APLF: variants seen among roughly 807,000 people sequenced by gnomAD.
APLF encodes aprataxin and PNKP like factor.
Under a neutral mutation model 55.6 loss-of-function variants are expected in APLF, and 61 were observed. The ratio of observed to expected loss-of-function variants is 1.10; its 90% CI spans 0.89 to 1.36. The LOEUF (loss-of-function observed/expected upper bound fraction) is 1.36, where lower values mean the gene tolerates loss of function less well. Among genes scored for constraint, APLF ranks in the 40% most tolerant of loss-of-function variants. The pLI is 0.00. For synonymous variants in APLF, 207 were observed against 214.8 expected (o/e 0.96, Z 0.32); for missense variants, 611 against 602.5 (o/e 1.01, Z -0.15).
intron 9 of APLF, among the ~76,000 whole-genome samples, chr2:68,573,499 C>T (rs1455993034): frequency 2.0e-5 from 3 of 151,836 alleles, no homozygotes; most frequent in African/African-American, 4.8e-5. Context: ...ATGGTGGAAC[C>T]CCATCTCTAC....
chr2:68,570,544 T>G (rs574198876), intron 9 of APLF, among the ~76,000 whole-genome samples: 16 of 151,302 alleles, frequency 1.1e-4, no homozygotes, highest in Admixed American at 2.6e-4. Flanking sequence ...ACATGTGGTG[T>G]TTGGTTTTTT....
chr2:68,508,795 G>A (rs574933547), intron 3 of APLF, among the ~76,000 whole-genome samples: 54 of 152,178 alleles, frequency 3.5e-4, no homozygotes, highest in African/African-American at 1.2e-3. Context: ...AAAGCTGGAG[G>A]CATCACTCTA....
chr2:68,535,375 A>C, intron 6 of APLF: 1 of 381,068 alleles, frequency 2.6e-6, no homozygotes. Flanking sequence ...TTGCGTTACT[A>C]ATTTTTTGGT....
chr2:68,537,696 G>C (rs1416206252), intron 6 of APLF, among the ~76,000 whole-genome samples, 176 bp from the exon 7 acceptor site: 1 of 152,112 alleles, frequency 6.6e-6, no homozygotes, highest in Non-Finnish European at 1.5e-5. Context: ...AACTAAAAAT[G>C]TTTTAAGTTA....
chr2:68,484,642 A>G (rs909967621), intron 1 of APLF, among the ~76,000 whole-genome samples: 5 of 151,560 alleles, frequency 3.3e-5, no homozygotes, highest in Non-Finnish European at 5.9e-5. Context: ...CAGTGAGCCT[A>G]GATTGTGCCA....
At position 68,493,386 on chromosome 2, in the gene APLF, G is replaced by A. The variant is rs545169921; in HGVS notation, c.168+3125G>A. ...AATCTACTCCAGGTAGATTAAATGT[G>A]AGAGTCAAACTATAAAACTCTTAGA... On this transcript the variant is annotated intron_variant, in intron 2 of 9. Transcript: ENST00000303795. Among the ~76,000 whole-genome samples the A allele has an allele frequency of 7.9e-5, 12 of 152,228 alleles. No homozygotes were observed. In the South Asian group the frequency reaches 2.5e-3, roughly 32 times the overall value.
chr2:68,508,309 A>G (rs1004307308), intron 3 of APLF, among the ~76,000 whole-genome samples: 1 of 151,876 alleles, frequency 6.6e-6, no homozygotes, highest in African/African-American at 2.4e-5. Context: ...GTAAACCCCT[A>G]CATTTAGGGT....
rs529474298 is a variant in APLF at position 68,564,067 on chromosome 2, G to A, written c.1287-3274G>A. Among the ~76,000 whole-genome samples, 77 of 151,976 alleles carry A rather than the reference G, an allele frequency of 5.1e-4. 1 individual carries two copies. In the Middle Eastern group the frequency reaches 0.024, roughly 47 times the overall value. On this transcript the variant is annotated intron_variant, in intron 8 of 9. Coordinates refer to ENST00000303795, the MANE Select transcript of APLF (RefSeq NM_173545.3). Reference sequence around the variant, plus strand: ...TAAAGTAAAGATGAAAAATATCTTTGGTATTAATGTTCCCCATTTTTATCT... The same window carrying A: ...TAAAGTAAAGATGAAAAATATCTTTAGTATTAATGTTCCCCATTTTTATCT...
chr2:68,571,358 A>G (rs1287840740), intron 9 of APLF, among the ~76,000 whole-genome samples: 3 of 152,128 alleles, frequency 2.0e-5, no homozygotes, highest in African/African-American at 7.2e-5. Context: ...TTTAGACATG[A>G]AGTCCTTGCT....
At chr2:68,476,496 A>AAAG (rs1243551569) in intron 1 of APLF, among the ~76,000 whole-genome samples, 1 of 149,952 alleles carries the variant, frequency 6.7e-6, no homozygotes, top group Non-Finnish European at 1.5e-5. Flanking sequence ...AAAAAAAAAA[A>AAAG]GTAGGAATTT....
chr2:68,530,496 G>T (rs532504242), intron 6 of APLF, among the ~76,000 whole-genome samples: 14 of 152,224 alleles, frequency 9.2e-5, no homozygotes, highest in Admixed American at 2.6e-4. Context: ...TAAAGATTAT[G>T]TTCTAGATCA....
chr2:68,556,619 T>G (rs1004607008), intron 8 of APLF, among the ~76,000 whole-genome samples: 6 of 152,186 alleles, frequency 3.9e-5, no homozygotes, highest in Non-Finnish European at 8.8e-5. Context: ...TCTTAGAATA[T>G]AAACACACTG....
At chr2:68,559,565 A>C (rs928746089) in intron 8 of APLF, among the ~76,000 whole-genome samples, 3 of 152,172 alleles carry the variant, frequency 2.0e-5, no homozygotes, top group African/African-American at 7.2e-5. Flanking sequence ...CATAGTATTC[A>C]GGTGCTTCAC....
At chr2:68,538,841 C>G (rs1260364867) in intron 7 of APLF, among the ~76,000 whole-genome samples, 2 of 152,114 alleles carry the variant, frequency 1.3e-5, no homozygotes, top group Non-Finnish European at 2.9e-5. Context: ...TTACATAACC[C>G]TATTTCAGAA....
At chr2:68,571,332 C>A (rs187527471) in intron 9 of APLF, among the ~76,000 whole-genome samples, 15,720 of 152,036 alleles carry the variant, frequency 0.1, 974 homozygotes, top group African/African-American at 0.18. Flanking sequence ...GCTTTTGTTG[C>A]CATTGCTTTT....
chr2:68,474,859 G>A (rs935487386), intron 1 of APLF, among the ~76,000 whole-genome samples: 5 of 152,088 alleles, frequency 3.3e-5, no homozygotes, highest in African/African-American at 9.7e-5. Context: ...ATAGAGACAC[G>A]GTTTCTCTAT....
At chr2:68,574,865 G>C (rs923106823) in intron 9 of APLF, among the ~76,000 whole-genome samples, 17 of 152,212 alleles carry the variant, frequency 1.1e-4, no homozygotes, top group African/African-American at 4.1e-4. Flanking sequence ...GCTAAAATAA[G>C]AGTTTCTGTA....
At chr2:68,515,887 T>C (rs2103957323) in intron 5 of APLF, among the ~76,000 whole-genome samples, 1 of 151,892 alleles carries the variant, frequency 6.6e-6, no homozygotes, top group African/African-American at 2.4e-5. Flanking sequence ...ACTTATTCTG[T>C]GGTGCTGTTA....
At chr2:68,528,483 A>G (rs560856607) in intron 6 of APLF, 795 of 1,533,918 alleles carry the variant, frequency 5.2e-4, no homozygotes, top group Non-Finnish European at 6.4e-4. Context: ...GGTGGCCCCG[A>G]CAGTTTTCTT....
Sources: gnomAD v4.1 joint callset for allele counts (sites outside exome capture counted in the v4.1 genomes callset) on GRCh38, gnomAD v4.1.1 for gene constraint, MANE v1.5 for transcripts, NCBI Gene and HGNC (gene_info 2026-07-23, HGNC 2026-07-21) for gene names.